Variants in NR2C1 observed in about 807,000 individuals in gnomAD.
NR2C1 encodes the protein TR2 nuclear hormone receptor.
Under a neutral mutation model 74.8 loss-of-function variants are expected in NR2C1, and 33 were observed. That is an observed-to-expected ratio of 0.44 (90% confidence interval 0.33 to 0.59). NR2C1 has a LOEUF of 0.59. Ranked by LOEUF, NR2C1 falls within the 20% of genes least tolerant of loss-of-function variation. NR2C1 has a pLI of 0.02. For missense variants in NR2C1, 568 were observed against 715.6 expected (o/e 0.79, Z 2.35); for synonymous variants, 225 against 240.6 (o/e 0.94, Z 0.60).
rs192608537 is a variant in NR2C1, at chr12:95,052,929, C to A, written c.784-986G>T. ...TAGATCAGTTACCCATTATTCTCTT[C>A]ACTTTTTTGTCACTGGAGTTGAAAA... On this transcript the variant is annotated intron_variant, in intron 7 of 13. Transcript: ENST00000333003. Among the ~76,000 whole-genome samples the A allele has an allele frequency of 9.9e-4, 150 of 152,110 alleles. 1 individual carries two copies. The highest frequency in any genetic ancestry group is 3.5e-3 in the African/African-American group (146 of 41,502).
chr12:95,056,522 C>T (rs1469057594), intron 7 of NR2C1, among the ~76,000 whole-genome samples: 1 of 152,168 alleles, frequency 6.6e-6, no homozygotes, highest in Non-Finnish European at 1.5e-5. Context: ...CAGTCCTATT[C>T]CTACTCTTGA....
rs765545391 is a variant in NR2C1, at chr12:95,057,744, T to G, written c.679A>C (p.Ser227Arg). 1 of 1,614,040 alleles carries G rather than the reference T, an allele frequency of 6.2e-7. No homozygotes were observed. Among genetic ancestry groups the G allele is most frequent in the Admixed American group, 1.7e-5 (1 of 59,990 alleles). Residue 227 changes from serine to arginine, a missense_variant, in exon 6 of 14, where the codon AGT becomes CGT. Coordinates refer to ENST00000333003, the MANE Select transcript of NR2C1 (RefSeq NM_003297.4). ...GTTTTACTTTACCTTGTACTTTCAC[T>G]ATCTGTTACAAAAGTTGGAGTTGCA... ...LTATPTFVTD[S>R]ESTRSTGLLD...
At position 95,060,055 on chromosome 12, in the gene NR2C1, TA is replaced by T. The variant is rs1468642695; in HGVS notation, c.286-72del. ...TGTTACTCAACAGCACTCATTCTAT[TA>T]AAAAAATTAAAGAACATTCAGTTGG... On this transcript the variant is annotated intron_variant, in intron 3 of 13. Transcript: ENST00000333003. The T allele has an allele frequency of 2.1e-5, 25 of 1,196,764 alleles. 1 individual carries two copies. Among genetic ancestry groups the T allele is most frequent in the South Asian group, 1.6e-4 (11 of 67,408 alleles). The allele number at this position is 1,196,764 out of a possible 1,614,324, so 74.1% of individuals were successfully genotyped here.
At chr12:95,036,677 A>C (rs538595319) in intron 10 of NR2C1, among the ~76,000 whole-genome samples, 193 of 152,068 alleles carry the variant, frequency 1.3e-3, no homozygotes, top group Non-Finnish European at 2.1e-3. Context: ...TGCCTGGCTA[A>C]CTTTTGAATT....
At chr12:95,068,994 T>A (rs761031310) in intron 1 of NR2C1, among the ~76,000 whole-genome samples, 10 of 151,500 alleles carry the variant, frequency 6.6e-5, no homozygotes, top group Admixed American at 3.9e-4. Flanking sequence ...AAAAACTACA[T>A]CTTAAAAGGA....
rs191019066 is a variant in NR2C1, at chr12:95,045,326, G to A, written c.1131+3742C>T. Among the ~76,000 whole-genome samples the A allele has an allele frequency of 2.1e-3, 316 of 152,228 alleles. 1 individual carries two copies. The highest frequency in any genetic ancestry group is 7.2e-3 in the African/African-American group (298 of 41,546). ...CCTAAAAGGTCAAGTTATAGAGACC[G>A]GACTTAATTTCATAACATATGGGCA... On this transcript the variant is annotated intron_variant, in intron 9 of 13. Coordinates refer to ENST00000333003, the MANE Select transcript of NR2C1 (RefSeq NM_003297.4).
In NR2C1 at chr12:95,043,689, C is replaced by CAAAAAAAA. The variant is rs34229669; in HGVS notation, c.1132-3100_1132-3093dup. 1.2e-3 allele frequency among the ~76,000 whole-genome samples: 115 copies of CAAAAAAAA among 94,276 alleles called. 3 individuals are homozygous for CAAAAAAAA. Among genetic ancestry groups the CAAAAAAAA allele is most frequent in the African/African-American group, 4.4e-3 (109 of 25,002 alleles). The allele number at this position is 94,276 out of a possible 152,430, so 61.8% of individuals were successfully genotyped here. A position where few individuals can be genotyped will look rare whatever the true frequency, so the allele number is the denominator to read the frequency against. ...TGGGAGACAGAGCAAGACTCTGTCT[C>CAAAAAAAA]AAAAAAAAAAAAAATCCTTTGCAAA... On this transcript the variant is annotated intron_variant, in intron 9 of 13. Coordinates refer to ENST00000333003, the MANE Select transcript of NR2C1 (RefSeq NM_003297.4).
intron 3 of NR2C1, 150 bp from the exon 4 acceptor site, chr12:95,060,134 T>C (rs780440400): frequency 1.5e-6 from 1 of 651,488 alleles, no homozygotes; most frequent in Non-Finnish European, 2.5e-6. Flanking sequence ...TTGTACTCTA[T>C]GAAGAGCTCA....
intron 12 of NR2C1, among the ~76,000 whole-genome samples, chr12:95,025,765 T>G (rs1869289479): frequency 6.6e-6 from 1 of 151,106 alleles, no homozygotes; most frequent in Non-Finnish European, 1.5e-5. Flanking sequence ...TAAAATTATT[T>G]TTTATCTCGT....
At chr12:95,031,729 T>A (rs1870136652) in intron 10 of NR2C1, among the ~76,000 whole-genome samples, 1 of 152,184 alleles carries the variant, frequency 6.6e-6, no homozygotes, top group Non-Finnish European at 1.5e-5. Flanking sequence ...CAAGTAATAT[T>A]CAAACTAAAA....
intron 12 of NR2C1, chr12:95,028,149 G>T: frequency 2.8e-6 from 1 of 358,388 alleles, no homozygotes; most frequent in Non-Finnish European, 5.0e-6. Flanking sequence ...AAATAATGCT[G>T]CTATGACTAT....
intron 13 of NR2C1, among the ~76,000 whole-genome samples, chr12:95,023,777 T>G (rs568585664): frequency 3.3e-5 from 5 of 152,272 alleles, no homozygotes; most frequent in African/African-American, 1.2e-4. Flanking sequence ...ACCAACAATG[T>G]AAAAAACTGA....
At chr12:95,042,114 C>A (rs977519191) in intron 9 of NR2C1, among the ~76,000 whole-genome samples, 1 of 151,914 alleles carries the variant, frequency 6.6e-6, no homozygotes, top group Non-Finnish European at 1.5e-5. Context: ...AGGAAACACG[C>A]CACACAGTTA....
At chr12:95,036,864 A>G (rs1057385399) in intron 10 of NR2C1, among the ~76,000 whole-genome samples, 2 of 152,202 alleles carry the variant, frequency 1.3e-5, no homozygotes, top group African/African-American at 4.8e-5. Context: ...ATAATTGTTT[A>G]TACTATTTAT....
intron 13 of NR2C1, among the ~76,000 whole-genome samples, chr12:95,023,122 T>C (rs1868957622): frequency 6.6e-6 from 1 of 151,602 alleles, no homozygotes; most frequent in Non-Finnish European, 1.5e-5. Flanking sequence ...TGAAACCTCA[T>C]CTCTACTAAA....
chr12:95,073,350 T>A (rs1345361745), intron 1 of NR2C1, 30 bp downstream of exon 1: 1 of 152,224 alleles, frequency 6.6e-6, no homozygotes, highest in Non-Finnish European at 1.5e-5. Flanking sequence ...CCCGACGCGG[T>A]CGCTGGTGTC....
Position 95,022,049 on chromosome 12 carries a change from A to T in NR2C1, c.*180T>A. 2.1e-6 allele frequency: 1 copy of T among 465,472 alleles called. No homozygotes were observed. Among genetic ancestry groups the T allele is most frequent in the Non-Finnish European group, 3.7e-6 (1 of 269,552 alleles). 28.8% of individuals were successfully genotyped at this position (465,472 alleles called of 1,614,324 possible). On this transcript the variant is annotated 3_prime_UTR_variant, in exon 14 of 14. Transcript: ENST00000333003. ...GGAATCAGGAAGAAAAATTCATTTA[A>T]TTTCTGCTGCCTGCCCAGTCACTTC... is the stretch of plus-strand genomic sequence containing the variant.
rs1354716151 is a variant in NR2C1, at chr12:95,031,254, A to G, written c.1393+95T>C. 9.8e-6 allele frequency: 10 copies of G among 1,023,962 alleles called. No individual in the cohort carries two copies. The South Asian group carries it at 1.6e-4, about 16-fold the overall frequency. 63.4% of individuals were successfully genotyped at this position (1,023,962 alleles called of 1,614,324 possible). A position where few individuals can be genotyped will look rare whatever the true frequency, so the allele number is the denominator to read the frequency against. On this transcript the variant is annotated intron_variant, in intron 11 of 13. Coordinates refer to ENST00000333003, the MANE Select transcript of NR2C1 (RefSeq NM_003297.4). Reference sequence around the variant, plus strand: ...GAGCATTGGTACCTAAAACACTAATATAATAATTATTAGATATCTAACTTT... The same window carrying G: ...GAGCATTGGTACCTAAAACACTAATGTAATAATTATTAGATATCTAACTTT...
In NR2C1 at chr12:95,062,699, C is replaced by G. The variant is rs776484076; in HGVS notation, c.94G>C (p.Val32Leu). Residue 32 changes from valine (V) to leucine (L), a missense_variant, in exon 3 of 14, where the codon GTG (valine) becomes CTG (leucine). Transcript: ENST00000333003. ...EQQTGQKIQIVTALDHNTQGK... is the reference protein window; with the variant it reads ...EQQTGQKIQILTALDHNTQGK... ...TGGGTATTATGATCAAGTGCTGTCA[C>G]AATCTGGATTTTCTGCCCAGTTTGC... 7 of 1,614,030 alleles carry G rather than the reference C, an allele frequency of 4.3e-6. No homozygotes were observed. In the East Asian group the frequency reaches 1.6e-4, roughly 36 times the overall value.
Sources: allele counts gnomAD v4.1 joint callset (sites outside exome capture counted in the v4.1 genomes callset), GRCh38; gene constraint gnomAD v4.1.1; transcripts MANE v1.5; gene names NCBI Gene and HGNC (gene_info 2026-07-23, HGNC 2026-07-21).